PLA2G4A: variants seen among roughly 807,000 people sequenced by gnomAD.
PLA2G4A encodes the protein cytosolic phospholipase A2.
In PLA2G4A, 40 loss-of-function variants were observed where a neutral mutation model predicts 81.9. The observed-to-expected ratio is 0.49, with a 90% CI of 0.38 to 0.64. The LOEUF (loss-of-function observed/expected upper bound fraction) is 0.64, where lower values mean the gene tolerates loss of function less well. Ranked by LOEUF, PLA2G4A falls within the 30% of genes least tolerant of loss-of-function variation. The pLI, the probability that PLA2G4A is intolerant of heterozygous loss-of-function variation, is 0.00. For synonymous variants in PLA2G4A, 302 were observed against 296.9 expected, an observed-to-expected ratio of 1.02 and a Z score of -0.18; for missense variants, 715 against 905.1, an observed-to-expected ratio of 0.79 and a Z score of 2.69.
At chr1:186,954,615 T>A (rs1032670333) in intron 13 of PLA2G4A, among the ~76,000 whole-genome samples, 3 of 151,706 alleles carry the variant, frequency 2.0e-5, no homozygotes, top group Non-Finnish European at 4.4e-5. Context: ...TATGGTTTTA[T>A]GTATGTTTAG....
chr1:186,972,324 A>C (rs1051989364), intron 15 of PLA2G4A, among the ~76,000 whole-genome samples: 2 of 152,100 alleles, frequency 1.3e-5, no homozygotes, highest in African/African-American at 4.8e-5. Flanking sequence ...TATAATATGA[A>C]AATTTAGTGT....
chr1:186,870,943 C>T (rs931209092), intron 3 of PLA2G4A, among the ~76,000 whole-genome samples: 17 of 152,112 alleles, frequency 1.1e-4, no homozygotes, highest in African/African-American at 3.9e-4. Flanking sequence ...TTAAATTAGC[C>T]GAGATCACTT....
At chr1:186,843,112 T>C (rs1335968896) in intron 1 of PLA2G4A, among the ~76,000 whole-genome samples, 1 of 152,196 alleles carries the variant, frequency 6.6e-6, no homozygotes, top group Non-Finnish European at 1.5e-5. Context: ...GTTTGTGTTG[T>C]CAGTTAAACA....
At chr1:186,943,096 A>G (rs573337771) in intron 10 of PLA2G4A, among the ~76,000 whole-genome samples, 3 of 152,296 alleles carry the variant, frequency 2.0e-5, no homozygotes, top group Admixed American at 1.3e-4. Context: ...AAAAGTTGAG[A>G]TAGTCTCTGA....
At chr1:186,907,987 G>A (rs12720554) in intron 6 of PLA2G4A, among the ~76,000 whole-genome samples, 1,932 of 152,192 alleles carry the variant, frequency 0.013, 43 homozygotes, top group African/African-American at 0.044. Context: ...CTTTTGTTTA[G>A]CGGGGAATAG....
intron 1 of PLA2G4A, among the ~76,000 whole-genome samples, chr1:186,853,634 G>A (rs1652454511): frequency 6.6e-6 from 1 of 151,776 alleles, no homozygotes; most frequent in African/African-American, 2.4e-5. Flanking sequence ...TGGTATAATG[G>A]AATAGCAAAG....
chr1:186,903,624 C>T (rs1223684599), intron 5 of PLA2G4A, among the ~76,000 whole-genome samples: 1 of 152,158 alleles, frequency 6.6e-6, no homozygotes, highest in Non-Finnish European at 1.5e-5. Context: ...CTATTGTGAA[C>T]TACAAGTGTG....
At chr1:186,895,000 C>T (rs1453815215) in intron 5 of PLA2G4A, among the ~76,000 whole-genome samples, 1 of 152,076 alleles carries the variant, frequency 6.6e-6, no homozygotes, top group Admixed American at 6.5e-5. Context: ...CTTTCCAAGT[C>T]CCTACATTCA....
intron 1 of PLA2G4A, among the ~76,000 whole-genome samples, chr1:186,840,703 A>G (rs1651949951): frequency 1.3e-5 from 2 of 152,240 alleles, no homozygotes; most frequent in South Asian, 4.1e-4. Context: ...TTATCCAGTA[A>G]TAAAATGGCT....
At position 186,940,033 on chromosome 1, in the gene PLA2G4A, C is replaced by T. The variant is rs760087737; in HGVS notation, c.972C>T (p.Cys324=). The T allele has an allele frequency of 1.2e-6, 2 of 1,608,750 alleles. No individual in the cohort carries two copies. Among genetic ancestry groups the T allele is most frequent in the Non-Finnish European group, 1.7e-6 (2 of 1,175,318 alleles). ...AGGAAAAAGTTAATACTGCACAATGCCCTTTACCTCTTTTCACCTGTCTTC... is the reference window on the plus strand; with the variant it reads ...AGGAAAAAGTTAATACTGCACAATGTCCTTTACCTCTTTTCACCTGTCTTC... ...SLKEKVNTAQ[C]PLPLFTCLHV... Residue 324 remains cysteine, a synonymous_variant, in exon 10 of 18, where the codon TGC becomes TGT. Transcript: ENST00000367466.
At chr1:186,931,748 C>T (rs1313251192) in intron 7 of PLA2G4A, among the ~76,000 whole-genome samples, 2 of 152,050 alleles carry the variant, frequency 1.3e-5, no homozygotes, top group Non-Finnish European at 2.9e-5. Context: ...ACTCAGGGAT[C>T]AGGTGCCAAT....
At chr1:186,910,379 A>C (rs1654898667) in intron 6 of PLA2G4A, among the ~76,000 whole-genome samples, 2 of 152,158 alleles carry the variant, frequency 1.3e-5, no homozygotes, top group African/African-American at 4.8e-5. Context: ...AGGCTGACAG[A>C]TTTTTAAAAA....
At chr1:186,983,156 G>T (rs12062681) in intron 17 of PLA2G4A, among the ~76,000 whole-genome samples, 59,901 of 151,570 alleles carry the variant, frequency 0.4, 14,149 homozygotes, top group East Asian at 0.59. Flanking sequence ...GTAAATGATG[G>T]TACTTAAAGA....
chr1:186,878,961 G>T (rs2223309), intron 3 of PLA2G4A, among the ~76,000 whole-genome samples: 1 of 151,780 alleles, frequency 6.6e-6, no homozygotes, highest in East Asian at 1.9e-4. Context: ...TACCTCTGCT[G>T]CTCTAAAAAT....
chr1:186,975,452 T>C (rs1657497980), intron 15 of PLA2G4A, among the ~76,000 whole-genome samples: 1 of 152,180 alleles, frequency 6.6e-6, no homozygotes, highest in South Asian at 2.1e-4. Flanking sequence ...AAAAGTGTAT[T>C]TTTCTCTGAA....
At chr1:186,953,464 T>C (rs1255448175) in intron 13 of PLA2G4A, among the ~76,000 whole-genome samples, 2 of 135,946 alleles carry the variant, frequency 1.5e-5, no homozygotes, top group African/African-American at 5.6e-5. Context: ...TTATATTACA[T>C]GTTTTAAATC....
intron 5 of PLA2G4A, among the ~76,000 whole-genome samples, chr1:186,896,024 C>T (rs1654321091): frequency 6.6e-6 from 1 of 150,888 alleles, no homozygotes; most frequent in Non-Finnish European, 1.5e-5. Flanking sequence ...CATATGAATA[C>T]ATTTAATTAT....
intron 17 of PLA2G4A, among the ~76,000 whole-genome samples, chr1:186,980,746 CATAAT>C (rs1227858724): frequency 1.4e-5 from 2 of 145,030 alleles, no homozygotes; most frequent in Non-Finnish European, 3.1e-5. Context: ...ACAGTTGCAC[CATAAT>C]ATATTTGTTA....
chr1:186,919,766 CA>C (rs1325975929), intron 7 of PLA2G4A, among the ~76,000 whole-genome samples: 1 of 152,186 alleles, frequency 6.6e-6, no homozygotes, highest in Non-Finnish European at 1.5e-5. Flanking sequence ...CAGCCAGCAG[CA>C]GCCCTAACAA....
Sources: gnomAD v4.1 joint callset for allele counts (sites outside exome capture counted in the v4.1 genomes callset) on GRCh38, gnomAD v4.1.1 for gene constraint, MANE v1.5 for transcripts, NCBI Gene and HGNC (gene_info 2026-07-23, HGNC 2026-07-21) for gene names.